Variants in YBEY observed in about 807,000 individuals in gnomAD.
YBEY encodes the protein ybeY metalloendoribonuclease, also known as endoribonuclease YbeY.
YBEY carries 15 observed loss-of-function variants against 13.5 expected under a neutral mutation model. That is an observed-to-expected ratio of 1.11 (90% CI 0.75 to 1.72). The LOEUF (loss-of-function observed/expected upper bound fraction) is 1.72. YBEY is among the 40% of genes most tolerant of loss of function. YBEY has a pLI of 0.00. For synonymous variants in YBEY, 101 were observed against 83.1 expected (o/e 1.21, Z -1.17); for missense variants, 244 against 208.4 (o/e 1.17, Z -1.05).
chr21:46,302,130 C>T (rs2082131538), downstream of YBEY: 1 of 1,510,680 alleles, frequency 6.6e-7, no homozygotes, highest in Non-Finnish European at 8.9e-7. Flanking sequence ...GCTCGTGGGA[C>T]CCTCGGGGGC....
the YBEY span, among the ~76,000 whole-genome samples, chr21:46,309,482 CTCAGTT>C: frequency 6.6e-6 from 1 of 151,060 alleles, no homozygotes; most frequent in Non-Finnish European, 1.5e-5. Context: ...AAAAAAATTA[CTCAGTT>C]TCAGATATTC....
At chr21:46,291,988 AC>A in intron 3 of YBEY, 1 of 386,544 alleles carries the variant, frequency 2.6e-6, no homozygotes, top group Non-Finnish European at 3.5e-6. Flanking sequence ...CTCAGAGGCT[AC>A]AGTTTCTACA....
downstream of YBEY, among the ~76,000 whole-genome samples, chr21:46,298,918 C>T (rs187872858): frequency 1.3e-4 from 19 of 151,900 alleles, no homozygotes; most frequent in Admixed American, 2.6e-4. Context: ...GACAGGGTTT[C>T]GCTGTGTTGA....
At chr21:46,308,418 G>A in the YBEY span, among the ~76,000 whole-genome samples, 55 of 152,060 alleles carry the variant, frequency 3.6e-4, 1 homozygote, top group East Asian at 4.9e-3. Flanking sequence ...CCGGGATCAC[G>A]ACACTGCACT....
At position 46,286,984 on chromosome 21, in the gene YBEY, A is replaced by T. The variant is rs1425370322; in HGVS notation, c.71A>T (p.Glu24Val). ...IRRAPLRSKI[E>V]IVRRILGVQK... ...AGAGCGCCACTTCGCAGTAAGATCG[A>T]GATTGTAAGGAGGATTTTAGGAGTG... Residue 24 changes from glutamate to valine, a missense_variant, in exon 2 of 5, where the codon GAG becomes GTG. Transcript: ENST00000397701. 1 of 1,614,120 alleles carries T rather than the reference A, an allele frequency of 6.2e-7. No homozygotes were observed.
chr21:46,289,448 T>TG (rs1396681189), intron 2 of YBEY, among the ~76,000 whole-genome samples: 1 of 132,786 alleles, frequency 7.5e-6, no homozygotes, highest in Non-Finnish European at 1.7e-5. Context: ...AGGGTTTTGT[T>TG]TTTTTTTTTT....
chr21:46,300,941 A>G (rs1188080803), downstream of YBEY: 2 of 809,828 alleles, frequency 2.5e-6, no homozygotes, highest in Non-Finnish European at 3.4e-6. Context: ...CCACATGGTA[A>G]GAAACCCCAC....
intron 2 of YBEY, 118 bp from the exon 3 acceptor site, chr21:46,291,216 A>AAAAAAAAT: frequency 4.4e-6 from 4 of 915,290 alleles, no homozygotes; most frequent in Non-Finnish European, 5.8e-6. Flanking sequence ...AAAAAAAAAA[A>AAAAAAAAT]GTGATTTGGC....
At chr21:46,298,459 C>T (rs560884403), downstream of YBEY, among the ~76,000 whole-genome samples, 12 of 30,374 alleles carry the variant, frequency 4.0e-4, no homozygotes, top group Admixed American at 1.6e-3. Flanking sequence ...GACGGAGTCT[C>T]GCTCTGTCGC....
rs201207847 is a variant in YBEY at position 46,287,137 on chromosome 21, G to A, written c.210+14G>A. 5 of 1,363,050 alleles carry A rather than the reference G, an allele frequency of 3.7e-6. No individual in the cohort carries two copies. The highest frequency in any genetic ancestry group is 4.0e-6 in the Non-Finnish European group (4 of 1,006,720). 84.4% of individuals were successfully genotyped at this position (1,363,050 alleles called of 1,614,324 possible). On this transcript the variant is annotated intron_variant, in intron 2 of 4. Transcript: ENST00000397701. ...CCATTTCATGAGGTAAAAAAAAAAT[G>A]TTCCTCTTCTTGTCTAGCCCATCTT...
At chr21:46,295,570 A>C (rs2081923871) in intron 3 of YBEY, among the ~76,000 whole-genome samples, 1 of 150,852 alleles carries the variant, frequency 6.6e-6, no homozygotes, top group East Asian at 2.0e-4. Context: ...CCCTCTCTCC[A>C]GGGGGACATG....
downstream of YBEY, among the ~76,000 whole-genome samples, chr21:46,298,064 G>A (rs951389645): frequency 6.6e-6 from 1 of 152,232 alleles, no homozygotes; most frequent in African/African-American, 2.4e-5. Context: ...CTTCATCAGG[G>A]CAGCGCGTCG....
chr21:46,292,893 G>C (rs1289343670), intron 3 of YBEY, among the ~76,000 whole-genome samples: 7 of 84,780 alleles, frequency 8.3e-5, no homozygotes, highest in Admixed American at 4.8e-4. Context: ...CGGTTAGCCT[G>C]ACCCGTGCCC....
chr21:46,292,070 C>T (rs61448213), intron 3 of YBEY: 17,994 of 161,248 alleles, frequency 0.11, 1,136 homozygotes, highest in African/African-American at 0.14. Flanking sequence ...GGGGTGTCAA[C>T]GATTTTTGTC....
chr21:46,292,037 C>T (rs1483180411), intron 3 of YBEY: 4 of 196,774 alleles, frequency 2.0e-5, no homozygotes, highest in Non-Finnish European at 2.8e-5. Flanking sequence ...ATGCCTGCTG[C>T]TGATCGGCTG....
chr21:46,303,556 C>T, the YBEY span, among the ~76,000 whole-genome samples: 2 of 150,106 alleles, frequency 1.3e-5, no homozygotes, highest in Admixed American at 1.3e-4. Flanking sequence ...AAAGGATATT[C>T]AAGTAGCCAA....
In YBEY at chr21:46,291,420, C is replaced by T. The variant is rs763641212; in HGVS notation, c.297C>T (p.Phe99=). Residue 99 remains phenylalanine (F), a synonymous_variant, in exon 3 of 5, where the codon TTC becomes TTT. Transcript: ENST00000397701. ...TTTTCCTAGGAGTGGAGTATATCTT[C>T]CATCAGTGTAAAGAAAATGAAGATT... ...GDIFLGVEYI[F]HQCKENEDYN... 5.6e-6 allele frequency: 9 copies of T among 1,613,950 alleles called. No homozygotes were observed. The East Asian group carries it at 1.8e-4, about 32-fold the overall frequency.
chr21:46,304,003 G>A, the YBEY span, among the ~76,000 whole-genome samples: 1,375 of 137,778 alleles, frequency 1.0e-2, 13 homozygotes, highest in African/African-American at 0.02. Context: ...CACCTGCCTT[G>A]GCTTCCCAAA....
chr21:46,305,298 GT>G, the YBEY span, among the ~76,000 whole-genome samples: 7,429 of 124,324 alleles, frequency 0.06, 231 homozygotes, highest in Middle Eastern at 0.11. Context: ...AAGTTACATG[GT>G]TTTTTTTTTT....
Sources: allele counts gnomAD v4.1 joint callset (sites outside exome capture counted in the v4.1 genomes callset), GRCh38; gene constraint gnomAD v4.1.1; transcripts MANE v1.5; gene names NCBI Gene and HGNC (gene_info 2026-07-23, HGNC 2026-07-21).